The following PITPNC1 variants were observed in gnomAD, a reference collection of about 807,000 sequenced individuals.
PITPNC1 encodes cytoplasmic phosphatidylinositol transfer protein 1.
In PITPNC1, 18 loss-of-function variants were observed where a neutral mutation model predicts 44.7. The ratio of observed to expected loss-of-function variants is 0.40; its 90% CI spans 0.28 to 0.60. The LOEUF is 0.60. Ranked by LOEUF, PITPNC1 falls within the 20% of genes least tolerant of loss-of-function variation. The pLI is 0.39. For synonymous variants in PITPNC1, 141 were observed against 149.6 expected, an observed-to-expected ratio of 0.94 and a Z score of 0.42; for missense variants, 290 against 418.4, an observed-to-expected ratio of 0.69 and a Z score of 2.68.
At chr17:67,532,080 T>A (rs2040469690) in intron 1 of PITPNC1, among the ~76,000 whole-genome samples, 1 of 152,152 alleles carries the variant, frequency 6.6e-6, no homozygotes, top group Admixed American at 6.5e-5. Flanking sequence ...TATTTTAGGG[T>A]AAGACAGGTG....
intron 1 of PITPNC1, chr17:67,408,763 C>G (rs1254239695): frequency 8.4e-6 from 1 of 119,570 alleles, no homozygotes; most frequent in Admixed American, 8.8e-5. Context: ...TCTTTCTTTC[C>G]TTCTTTTTCT....
chr17:67,426,245 A>G (rs2143881801), intron 1 of PITPNC1, among the ~76,000 whole-genome samples: 2 of 152,330 alleles, frequency 1.3e-5, no homozygotes, highest in East Asian at 1.9e-4. Context: ...TGACCCAGCA[A>G]TCCCATTACT....
chr17:67,472,744 C>T (rs1687595681), intron 1 of PITPNC1, among the ~76,000 whole-genome samples: 1 of 152,004 alleles, frequency 6.6e-6, no homozygotes, highest in African/African-American at 2.4e-5. Context: ...TGTCCTGGGC[C>T]ACGGGTTGGA....
At chr17:67,567,040 C>T (rs1243513958) in intron 4 of PITPNC1, among the ~76,000 whole-genome samples, 1 of 152,184 alleles carries the variant, frequency 6.6e-6, no homozygotes, top group African/African-American at 2.4e-5. Flanking sequence ...ATCAAATACT[C>T]GGACCAGTGC....
chr17:67,467,622 G>C (rs2039447590), intron 1 of PITPNC1, among the ~76,000 whole-genome samples: 2 of 152,098 alleles, frequency 1.3e-5, no homozygotes. Flanking sequence ...GATCTGCTTT[G>C]CCTCTGCCCC....
At chr17:67,420,427 CTCTTT>C (rs1325499253) in intron 1 of PITPNC1, among the ~76,000 whole-genome samples, 13 of 137,838 alleles carry the variant, frequency 9.4e-5, no homozygotes, top group Non-Finnish European at 9.3e-5. Context: ...CTCTTCTCTT[CTCTTT>C]TCTTTTCTTT....
chr17:67,620,012 C>T, intron 5 of PITPNC1, among the ~76,000 whole-genome samples: 1 of 152,100 alleles, frequency 6.6e-6, no homozygotes, highest in East Asian at 1.9e-4. Flanking sequence ...GTCTCTTAGC[C>T]TCCCTTTTCC....
Position 67,675,494 on chromosome 17 carries a change from C to G in PITPNC1, c.634C>G (p.Leu212Val). Residue 212 changes from leucine (L) to valine (V), a missense_variant, in exon 8 of 9, where the codon CTG becomes GTG. Leu to Val is a conservative substitution (Grantham distance 32). Coordinates refer to ENST00000581322, the MANE Select transcript of PITPNC1 (RefSeq NM_012417.4). Reference protein sequence around the residue: ...QFVHKVVRDILLIGHRQAFAW... With the variant: ...QFVHKVVRDIVLIGHRQAFAW... ...TACTTTTTAGGTGGTCCGAGACATTCTGCTGATTGGACATAGACAGGCTTT... is the reference window on the plus strand; with the variant it reads ...TACTTTTTAGGTGGTCCGAGACATTGTGCTGATTGGACATAGACAGGCTTT... 1 of 1,609,696 alleles carries G rather than the reference C, an allele frequency of 6.2e-7. No individual in the cohort carries two copies. Among genetic ancestry groups the G allele is most frequent in the Non-Finnish European group, 8.5e-7 (1 of 1,175,958 alleles).
At chr17:67,627,183 G>C (rs2041906567) in intron 5 of PITPNC1, among the ~76,000 whole-genome samples, 1 of 152,206 alleles carries the variant, frequency 6.6e-6, no homozygotes, top group Admixed American at 6.5e-5. Context: ...AACCCAGGTG[G>C]CAGAGGTTGC....
At chr17:67,627,553 GAC>G (rs1346595821) in intron 5 of PITPNC1, among the ~76,000 whole-genome samples, 2 of 152,224 alleles carry the variant, frequency 1.3e-5, no homozygotes, top group East Asian at 3.8e-4. Context: ...GGTTCTCAGT[GAC>G]AGTTTCTCAG....
chr17:67,681,376 G>A (rs1159159910), intron 8 of PITPNC1, among the ~76,000 whole-genome samples: 1 of 151,804 alleles, frequency 6.6e-6, no homozygotes, highest in African/African-American at 2.4e-5. Context: ...ACTTTGGGAG[G>A]CCAAGGCAGG....
intron 1 of PITPNC1, among the ~76,000 whole-genome samples, chr17:67,384,279 G>T (rs532530662): frequency 1.3e-5 from 2 of 152,076 alleles, no homozygotes; most frequent in African/African-American, 4.8e-5. Context: ...GCCCTGGCAG[G>T]GAGCCAGTGC....
chr17:67,404,953 A>G (rs187209958), intron 1 of PITPNC1, among the ~76,000 whole-genome samples: 183 of 152,220 alleles, frequency 1.2e-3, no homozygotes, highest in African/African-American at 4.2e-3. Flanking sequence ...GGTCATTTAA[A>G]TTCAGATTTA....
chr17:67,566,396 G>A (rs2040982104), intron 4 of PITPNC1, among the ~76,000 whole-genome samples: 1 of 152,124 alleles, frequency 6.6e-6, no homozygotes, highest in Admixed American at 6.5e-5. Flanking sequence ...TAGAGACAGG[G>A]TTTTGCCATG....
chr17:67,647,479 T>TTTTTTG (rs1555576651), intron 6 of PITPNC1, among the ~76,000 whole-genome samples: 7 of 139,088 alleles, frequency 5.0e-5, no homozygotes, highest in Non-Finnish European at 7.8e-5. Flanking sequence ...TTTTTTTTTT[T>TTTTTTG]TTTTTTTTTT....
intron 1 of PITPNC1, among the ~76,000 whole-genome samples, chr17:67,492,713 G>T (rs960677913): frequency 6.6e-6 from 1 of 152,076 alleles, no homozygotes; most frequent in African/African-American, 2.4e-5. Context: ...GATTTCTAAC[G>T]CCGGGGATAG....
At chr17:67,623,466 A>C (rs1037374624) in intron 5 of PITPNC1, among the ~76,000 whole-genome samples, 34 of 151,798 alleles carry the variant, frequency 2.2e-4, no homozygotes, top group Admixed American at 9.2e-4. Flanking sequence ...TGCAATCTCC[A>C]CCTCCCGGGT....
intron 1 of PITPNC1, among the ~76,000 whole-genome samples, chr17:67,392,300 C>G (rs1389385606): frequency 6.6e-6 from 1 of 152,194 alleles, no homozygotes; most frequent in Non-Finnish European, 1.5e-5. Context: ...AAGATGGCTG[C>G]GCCTTGGAAA....
At chr17:67,410,010 A>G (rs574968776) in intron 1 of PITPNC1, among the ~76,000 whole-genome samples, 2 of 152,342 alleles carry the variant, frequency 1.3e-5, no homozygotes, top group South Asian at 4.1e-4. Context: ...TCTCCAGAGT[A>G]TGTGCCTAGA....
Sources: allele counts gnomAD v4.1 joint callset (sites outside exome capture counted in the v4.1 genomes callset), GRCh38; gene constraint gnomAD v4.1.1; transcripts MANE v1.5; gene names NCBI Gene and HGNC (gene_info 2026-07-23, HGNC 2026-07-21).